SPTA1: variants seen among roughly 807,000 people sequenced by gnomAD.
SPTA1 encodes the protein spectrin alpha, erythrocytic 1, also known as spectrin alpha chain, erythrocytic 1.
Under a neutral mutation model 324.7 loss-of-function variants are expected in SPTA1, and 177 were observed. The ratio of observed to expected loss-of-function variants is 0.55; its 90% confidence interval spans 0.48 to 0.62. The LOEUF is 0.62. SPTA1 is among the 20% of genes least tolerant of loss of function. The pLI is 0.00. For synonymous variants in SPTA1, 1,195 were observed against 1,041.3 expected (o/e 1.15, Z -2.84); for missense variants, 3,162 against 2,883.6 (o/e 1.10, Z -2.21).
At chr1:158,677,079 G>A (rs1654438196) in intron 7 of SPTA1, among the ~76,000 whole-genome samples, 1 of 152,136 alleles carries the variant, frequency 6.6e-6, no homozygotes, top group South Asian at 2.1e-4. Flanking sequence ...TGACTCCCCT[G>A]TGCACTCTCA....
chr1:158,664,882 G>T (rs1360481395), intron 16 of SPTA1, among the ~76,000 whole-genome samples: 1 of 152,190 alleles, frequency 6.6e-6, no homozygotes, highest in Non-Finnish European at 1.5e-5. Context: ...AGGATATCTG[G>T]CTCATATACT....
intron 25 of SPTA1, 84 bp from the exon 26 acceptor site, chr1:158,648,737 A>T: frequency 6.8e-7 from 1 of 1,462,204 alleles, no homozygotes; most frequent in Non-Finnish European, 9.4e-7. Context: ...AGTTATCATC[A>T]CTACCACTCA....
intron 48 of SPTA1, 26 bp downstream of exon 48, chr1:158,615,190 C>T (rs541287526): frequency 1.9e-6 from 3 of 1,612,446 alleles, no homozygotes; most frequent in South Asian, 1.1e-5. Flanking sequence ...GCATCCCTCC[C>T]TGCTCTGGCC....
rs325995 is a variant in SPTA1 at position 158,677,841 on chromosome 1, T to G, written c.813-7A>C. On this transcript the variant is annotated splice_region_variant and splice_polypyrimidine_tract_variant and intron_variant, in intron 6 of 51. Coordinates refer to ENST00000643759, the MANE Select transcript of SPTA1 (RefSeq NM_003126.4). Reference sequence around the variant, plus strand: ...GATGGCTTCAGTCACATCCCTGCAGTCATTAACAAGAGCTCCAACCAAAGA... The same window carrying G: ...GATGGCTTCAGTCACATCCCTGCAGGCATTAACAAGAGCTCCAACCAAAGA... 1 of 1,613,336 alleles carries G rather than the reference T, an allele frequency of 6.2e-7. No homozygotes were observed. The highest frequency in any genetic ancestry group is 1.3e-5 in the African/African-American group (1 of 74,794).
chr1:158,642,289 C>T, intron 33 of SPTA1, 122 bp downstream of exon 33: 2 of 1,057,196 alleles, frequency 1.9e-6, no homozygotes, highest in Non-Finnish European at 2.5e-6. Flanking sequence ...TGCACATGTA[C>T]CCTAAAACTT....
At chr1:158,624,130 A>T (rs1650107036) in intron 42 of SPTA1, among the ~76,000 whole-genome samples, 1 of 137,998 alleles carries the variant, frequency 7.2e-6, no homozygotes, top group South Asian at 2.3e-4. Flanking sequence ...CAGGGGTAGA[A>T]GTCTACTGCA....
intron 35 of SPTA1, 41 bp from the exon 36 acceptor site, chr1:158,638,282 G>A (rs1030375916): frequency 6.3e-7 from 1 of 1,579,874 alleles, no homozygotes; most frequent in Admixed American, 1.7e-5. Context: ...TATAGTATAG[G>A]CATTACTCAG....
At chr1:158,648,457 G>A (rs956586409) in intron 26 of SPTA1, 52 bp downstream of exon 26, 19 of 1,611,720 alleles carry the variant, frequency 1.2e-5, no homozygotes, top group Middle Eastern at 1.7e-4. Flanking sequence ...ATTGGTATAC[G>A]GCTAAATATA....
In SPTA1 at chr1:158,674,504, G is replaced by GC. The variant is rs1471575126; in HGVS notation, c.1248+35dup. ...TTTCTGGCATTCAGCCAAATAACCT[G>GC]CCCCCTCCTCCTACTGGGCAGCCTT... On this transcript the variant is annotated intron_variant, in intron 9 of 51. Coordinates refer to ENST00000643759, the MANE Select transcript of SPTA1 (RefSeq NM_003126.4). 4.3e-6 allele frequency: 7 copies of GC among 1,613,908 alleles called. No homozygotes were observed. The East Asian group carries it at 8.9e-5, about 21-fold the overall frequency.
intron 44 of SPTA1, among the ~76,000 whole-genome samples, chr1:158,619,875 T>C (rs1649798170): frequency 6.6e-6 from 1 of 152,176 alleles, no homozygotes; most frequent in Non-Finnish European, 1.5e-5. Flanking sequence ...TGAATACATA[T>C]AAAGCCTCAT....
rs1230469583 is a variant in SPTA1, at chr1:158,668,044, T to C, written c.1852A>G (p.Ser618Gly). The change falls in exon 15 of 52, where the codon AGC becomes GGC. Residue 618 changes from serine (S) to glycine (G), a missense_variant. Physicochemically the swap from Ser to Gly is moderately conservative, Grantham distance 56 (BLOSUM62 0). Coordinates refer to ENST00000643759, the MANE Select transcript of SPTA1 (RefSeq NM_003126.4). ...EDYKDIQNLK[S>G]RVQKQQVFEK... is the part of the protein sequence containing the mutation. ...AAGACTTGCTGCTTTTGAACCCTGC[T>C]CTTCAAGTTCTGTATGTCCTGAGAT... The C allele has an allele frequency of 6.2e-7, 1 of 1,609,788 alleles. No homozygotes were observed. Among genetic ancestry groups the C allele is most frequent in the Admixed American group, 1.7e-5 (1 of 59,448 alleles).
intron 35 of SPTA1, 144 bp from the exon 36 acceptor site, chr1:158,638,385 T>C: frequency 6.0e-6 from 5 of 836,440 alleles, no homozygotes; most frequent in Non-Finnish European, 9.8e-6. Context: ...GTTATACATG[T>C]TAGCATATGT....
chr1:158,653,224 G>A (rs4279850), intron 22 of SPTA1, 50 bp downstream of exon 22: 10 of 1,613,254 alleles, frequency 6.2e-6, no homozygotes, highest in East Asian at 4.5e-5. Flanking sequence ...TGCCTTTGGC[G>A]AAAAATGTCT....
chr1:158,663,598 C>T (rs985192644), intron 16 of SPTA1, among the ~76,000 whole-genome samples: 3 of 152,120 alleles, frequency 2.0e-5, no homozygotes, highest in Admixed American at 6.5e-5. Flanking sequence ...AATAGGTACA[C>T]TACATTTTTA....
chr1:158,640,009 T>G lies in SPTA1; in HGVS notation c.4738-2A>C. 1 of 1,613,782 alleles carries G rather than the reference T, an allele frequency of 6.2e-7. No individual in the cohort carries two copies. Among genetic ancestry groups the G allele is most frequent in the African/African-American group, 1.3e-5 (1 of 74,998 alleles). ...TTCCTTCAGCTGTTCCAGTTGCTCC[T>G]AACCCAAGGAGAGTGAGGAGTCATT... On this transcript the variant is annotated splice_acceptor_variant, in intron 33 of 51. Coordinates refer to ENST00000643759, the MANE Select transcript of SPTA1 (RefSeq NM_003126.4). LOFTEE classifies it high-confidence loss of function.
intron 7 of SPTA1, 48 bp from the exon 8 acceptor site, chr1:158,676,343 C>G: frequency 6.2e-7 from 1 of 1,607,182 alleles, no homozygotes; most frequent in Non-Finnish European, 8.5e-7. Flanking sequence ...TACTCTGACT[C>G]CCCCTGGCAA....
intron 35 of SPTA1, chr1:158,639,325 T>TAAAAGATAA: frequency 2.0e-6 from 1 of 511,484 alleles, no homozygotes; most frequent in Admixed American, 3.2e-5. Flanking sequence ...TATGCATCAG[T>TAAAAGATAA]AAAAGATAAA....
chr1:158,647,584 C>T lies in SPTA1; in HGVS notation c.3851G>A (p.Ser1284Asn). 6.2e-7 allele frequency: 1 copy of T among 1,613,874 alleles called. No individual in the cohort carries two copies. The highest frequency in any genetic ancestry group is 8.5e-7 in the Non-Finnish European group (1 of 1,179,894). The change falls in exon 27 of 52, where the codon AGC (serine) becomes AAC (asparagine). Residue 1284 changes from serine (S) to asparagine (N), a missense_variant. Coordinates refer to ENST00000643759, the MANE Select transcript of SPTA1 (RefSeq NM_003126.4). ...GTAGAATTTCTGGGCCTCATTTAGG[C>T]TCTCCTTACGATCCTTTGTACGCCC... Reference protein sequence around the residue: ...LQGRTKDRKESLNEAQKFYLF... With the variant: ...LQGRTKDRKENLNEAQKFYLF...
intron 20 of SPTA1, among the ~76,000 whole-genome samples, 191 bp downstream of exon 20, chr1:158,656,373 C>G (rs1304188416): frequency 6.6e-6 from 1 of 152,160 alleles, no homozygotes; most frequent in East Asian, 1.9e-4. Context: ...TTATCAAAAA[C>G]CTCTTTTGGA....
Sources: allele counts gnomAD v4.1 joint callset (sites outside exome capture counted in the v4.1 genomes callset), GRCh38; gene constraint gnomAD v4.1.1; transcripts MANE v1.5; gene names NCBI Gene and HGNC (gene_info 2026-07-23, HGNC 2026-07-21).